The following TMEM163 variants were observed in gnomAD, a reference collection of about 807,000 sequenced individuals.
TMEM163 encodes transmembrane protein 163.
TMEM163 carries 17 observed loss-of-function variants against 29.3 expected under a neutral mutation model. That is an observed-to-expected ratio of 0.58 (90% CI 0.40 to 0.87). The LOEUF is 0.87. Among genes scored for constraint, TMEM163 ranks in the 40% least tolerant of loss-of-function variants. The pLI is 0.00. For synonymous variants in TMEM163, 157 were observed against 160.6 expected, an observed-to-expected ratio of 0.98 and a Z score of 0.17; for missense variants, 303 against 381.5, an observed-to-expected ratio of 0.79 and a Z score of 1.71.
At chr2:134,634,020 T>A (rs71348712) in intron 2 of TMEM163, among the ~76,000 whole-genome samples, 58,053 of 112,202 alleles carry the variant, frequency 0.52, 15,926 homozygotes, top group Non-Finnish European at 0.6. Flanking sequence ...TATATATATA[T>A]AATAGGACTG....
rs142501376 is a variant in TMEM163, at chr2:134,657,825, T to C, written c.322+55375A>G. On this transcript the variant is annotated intron_variant, in intron 2 of 7. Coordinates refer to ENST00000281924, the MANE Select transcript of TMEM163 (RefSeq NM_030923.5). The stretch of plus-strand genomic sequence containing the variant: ...TCTCAAAAATAAAAAATAAAAAAGA[T>C]GGGAACAACAGACACTGGAGGCCAC... 6.5e-3 allele frequency among the ~76,000 whole-genome samples: 986 copies of C among 151,624 alleles called. 16 individuals are homozygous for C. Among genetic ancestry groups the C allele is most frequent in the African/African-American group, 0.023 (948 of 41,244 alleles).
chr2:134,521,937 G>C (rs910838752), intron 4 of TMEM163, among the ~76,000 whole-genome samples: 1 of 152,092 alleles, frequency 6.6e-6, no homozygotes, highest in Non-Finnish European at 1.5e-5. Flanking sequence ...AAGTTCAAAG[G>C]GTATGAGAAA....
At chr2:134,575,686 G>A (rs749708003) in intron 2 of TMEM163, among the ~76,000 whole-genome samples, 2 of 152,156 alleles carry the variant, frequency 1.3e-5, no homozygotes, top group Non-Finnish European at 2.9e-5. Context: ...CTACCAAACC[G>A]GACCATAAGA....
rs762115087 is a variant in TMEM163 at position 134,552,031 on chromosome 2, C to T, written c.366+17G>A. 1.9e-6 allele frequency: 3 copies of T among 1,611,832 alleles called. No homozygotes were observed. Among genetic ancestry groups the T allele is most frequent in the Non-Finnish European group, 2.5e-6 (3 of 1,178,518 alleles). On this transcript the variant is annotated intron_variant, in intron 3 of 7. Coordinates refer to ENST00000281924, the MANE Select transcript of TMEM163 (RefSeq NM_030923.5). ...AAACGTGCAAAACTTGATGAAAGTA[C>T]ATTTCAGGTTACTTACTGCAAACCC...
chr2:134,517,553 G>T (rs1680101869), intron 4 of TMEM163, among the ~76,000 whole-genome samples: 1 of 152,078 alleles, frequency 6.6e-6, no homozygotes, highest in African/African-American at 2.4e-5. Context: ...ACAGTTTTGT[G>T]TTTCATTTTT....
intron 2 of TMEM163, among the ~76,000 whole-genome samples, chr2:134,552,820 C>A (rs1558942992): frequency 6.6e-6 from 1 of 151,938 alleles, no homozygotes; most frequent in Non-Finnish European, 1.5e-5. Flanking sequence ...TGCCACCACA[C>A]CCAGCTAATT....
chr2:134,496,764 G>T (rs1383700009), intron 5 of TMEM163, among the ~76,000 whole-genome samples: 1 of 152,166 alleles, frequency 6.6e-6, no homozygotes, highest in Non-Finnish European at 1.5e-5. Context: ...ACAAAATTTT[G>T]CTAAGCATCA....
intron 5 of TMEM163, among the ~76,000 whole-genome samples, chr2:134,474,775 C>A (rs1686878383): frequency 6.6e-6 from 1 of 152,056 alleles, no homozygotes; most frequent in Non-Finnish European, 1.5e-5. Flanking sequence ...CACAAAAATA[C>A]TAAATACTCA....
intron 4 of TMEM163, among the ~76,000 whole-genome samples, chr2:134,515,082 G>A (rs1300478471): frequency 6.6e-6 from 1 of 152,364 alleles, no homozygotes; most frequent in East Asian, 1.9e-4. Flanking sequence ...GGCAGTGGCA[G>A]CAAAAGGCTG....
intron 2 of TMEM163, among the ~76,000 whole-genome samples, chr2:134,566,892 T>C (rs988696608): frequency 2.0e-5 from 3 of 152,136 alleles, no homozygotes; most frequent in African/African-American, 7.2e-5. Context: ...TTGAAAAAGA[T>C]AGATGTGTAA....
chr2:134,474,836 C>A (rs186435605), intron 5 of TMEM163, among the ~76,000 whole-genome samples: 1 of 152,020 alleles, frequency 6.6e-6, no homozygotes, highest in African/African-American at 2.4e-5. Flanking sequence ...CAAAATATTA[C>A]GGAGATAAAT....
chr2:134,473,658 T>C (rs1173116722), intron 5 of TMEM163, among the ~76,000 whole-genome samples: 1 of 152,104 alleles, frequency 6.6e-6, no homozygotes, highest in Admixed American at 6.5e-5. Flanking sequence ...AGGACTCATC[T>C]AGAAGAAAGA....
chr2:134,502,388 T>C (rs1679715483), intron 5 of TMEM163, among the ~76,000 whole-genome samples: 1 of 152,200 alleles, frequency 6.6e-6, no homozygotes, highest in Non-Finnish European at 1.5e-5. Flanking sequence ...GTAATGACTC[T>C]CACCCAGAGG....
At chr2:134,695,288 G>A (rs1316900275) in intron 2 of TMEM163, among the ~76,000 whole-genome samples, 1 of 152,008 alleles carries the variant, frequency 6.6e-6, no homozygotes, top group Non-Finnish European at 1.5e-5. Flanking sequence ...ATGTTGGCCA[G>A]GCTGGTCTCG....
chr2:134,644,410 A>G (rs1683290410), intron 2 of TMEM163, among the ~76,000 whole-genome samples: 1 of 152,180 alleles, frequency 6.6e-6, no homozygotes, highest in South Asian at 2.1e-4. Flanking sequence ...GCAAAAGAAA[A>G]ACAAGTAGCT....
chr2:134,505,684 T>C (rs1679807028), intron 4 of TMEM163, among the ~76,000 whole-genome samples: 1 of 152,166 alleles, frequency 6.6e-6, no homozygotes, highest in South Asian at 2.1e-4. Flanking sequence ...AATGCCTGCT[T>C]CTTTCTGACA....
chr2:134,709,803 C>T (rs1206343034), intron 2 of TMEM163, among the ~76,000 whole-genome samples: 1 of 152,194 alleles, frequency 6.6e-6, no homozygotes, highest in African/African-American at 2.4e-5. Flanking sequence ...CCAGCATTAG[C>T]ATCAACACAG....
Position 134,577,252 on chromosome 2 carries a change from C to T in TMEM163, c.323-25161G>A, listed in dbSNP as rs184199454. Among the ~76,000 whole-genome samples, 5 of 152,288 alleles carry T rather than the reference C, an allele frequency of 3.3e-5. No individual in the cohort carries two copies. The East Asian group carries it at 9.7e-4, about 29-fold the overall frequency. On this transcript the variant is annotated intron_variant, in intron 2 of 7. Transcript: ENST00000281924. ...ACTCTAATTTGATACCTTCTGAGAGCCCAAATCTGTGTTCTTTCTCTGTAG... is the reference window on the plus strand; with the variant it reads ...ACTCTAATTTGATACCTTCTGAGAGTCCAAATCTGTGTTCTTTCTCTGTAG...
intron 5 of TMEM163, among the ~76,000 whole-genome samples, chr2:134,486,342 A>C (rs995347380): frequency 1.1e-4 from 17 of 152,146 alleles, no homozygotes; most frequent in Admixed American, 1.1e-3. Flanking sequence ...GAGAGCTTAG[A>C]TCTAGAAAGC....
Sources: allele counts gnomAD v4.1 joint callset (sites outside exome capture counted in the v4.1 genomes callset), GRCh38; gene constraint gnomAD v4.1.1; transcripts MANE v1.5; gene names NCBI Gene and HGNC (gene_info 2026-07-23, HGNC 2026-07-21).